The following KIFC1 variants were observed in gnomAD, a reference collection of about 807,000 sequenced individuals.
KIFC1 encodes the protein kinesin family member C1.
Under a neutral mutation model 66.6 loss-of-function variants are expected in KIFC1, and 37 were observed. The observed-to-expected ratio is 0.56, with a 90% confidence interval of 0.43 to 0.73. The LOEUF is 0.73. Among genes scored for constraint, KIFC1 ranks in the 30% least tolerant of loss-of-function variants. The pLI is 0.00. For synonymous variants in KIFC1, 325 were observed against 343.5 expected, an observed-to-expected ratio of 0.95 and a Z score of 0.60; for missense variants, 721 against 859.8, an observed-to-expected ratio of 0.84 and a Z score of 2.02.
chr6:33,393,221 A>G (rs976526864), intron 1 of KIFC1, among the ~76,000 whole-genome samples: 1 of 152,038 alleles, frequency 6.6e-6, no homozygotes, highest in Non-Finnish European at 1.5e-5. Flanking sequence ...AGTTGTAAGG[A>G]GGGAAGTGTG....
chr6:33,396,821 A>G (rs1023707076), intron 1 of KIFC1, among the ~76,000 whole-genome samples: 9 of 150,872 alleles, frequency 6.0e-5, no homozygotes, highest in African/African-American at 2.2e-4. Context: ...AGCTGGGACT[A>G]CAGGCGCCTG....
At position 33,406,414 on chromosome 6, in the gene KIFC1, C is replaced by T. The variant is rs560734335; in HGVS notation, c.1755C>T (p.Arg585=). ...CCCTCGGCCCCGGGGAGCGGGAACG[C>T]CTTCGGGAAACACAGGCCATTAACA... ...GLALGPGERE[R]LRETQAINSS... is the part of the protein sequence containing the mutation. The change falls in exon 8 of 11, where the codon CGC becomes CGT. Residue 585 remains arginine, a synonymous_variant. Coordinates refer to ENST00000428849, the MANE Select transcript of KIFC1 (RefSeq NM_002263.4). The surrounding 1 kb of genome is among the most constrained non-coding windows in gnomAD (Gnocchi z 4.5). 2.9e-5 allele frequency: 47 copies of T among 1,607,958 alleles called. No homozygotes were observed. In the South Asian group the frequency reaches 4.2e-4, roughly 14 times the overall value.
rs145707165 is a variant in KIFC1 at position 33,406,837 on chromosome 6, G to A, written c.1939G>A (p.Val647Ile). 1,347 of 1,614,056 alleles carry A rather than the reference G, an allele frequency of 8.3e-4. 2 individuals carry two copies. Among genetic ancestry groups the A allele is most frequent in the African/African-American group, 1.6e-3 (117 of 74,984 alleles). Residue 647 changes from valine (V) to isoleucine (I), a missense_variant, in exon 10 of 11, where the codon GTC (valine) becomes ATC (isoleucine). Val to Ile is a conservative substitution (Grantham distance 29, BLOSUM62 3). Transcript: ENST00000428849. The surrounding 1 kb of genome is among the most constrained non-coding windows in gnomAD (Gnocchi z 4.5). ...GAACATTTCTCCACTGGAAGAGAAC[G>A]TCTCCGAGTCCCTCAACTCTCTACG... ...FVNISPLEEN[V>I]SESLNSLRFA...
chr6:33,396,514 C>T (rs1453148764), intron 1 of KIFC1, among the ~76,000 whole-genome samples: 2 of 140,814 alleles, frequency 1.4e-5, no homozygotes, highest in African/African-American at 5.5e-5. Context: ...GGCATGATCA[C>T]GGCTCACTGC....
At position 33,405,607 on chromosome 6, in the gene KIFC1, T is replaced by C; in HGVS notation, c.1512T>C (p.Tyr504=). ...SEELTVTNAR[Y]VPVSCEKEVD... ...AGCTCACTGTCACCAATGCTCGATA[T>C]GTCCCTGTCTCCTGTGAGAAAGAAG... is the stretch of plus-strand genomic sequence containing the variant. The change falls in exon 7 of 11, where the codon TAT becomes TAC. Residue 504 remains tyrosine (Y), a synonymous_variant. Transcript: ENST00000428849. This position sits in a 1 kb window ranked among gnomAD's most constrained non-coding sequence, Gnocchi z 5.4. The C allele has an allele frequency of 1.3e-6, 2 of 1,526,076 alleles. No individual in the cohort carries two copies. The highest frequency in any genetic ancestry group is 1.8e-6 in the Non-Finnish European group (2 of 1,139,920). 94.5% of individuals were successfully genotyped at this position (1,526,076 alleles called of 1,614,324 possible).
Position 33,404,727 on chromosome 6 carries a change from T to C in KIFC1, c.757-125T>C. On this transcript the variant is annotated intron_variant, in intron 6 of 10. Transcript: ENST00000428849. This position sits in a 1 kb window ranked among gnomAD's most constrained non-coding sequence, Gnocchi z 4.0. ...TTCCTTATTTTCTCATCTTTCTTTG[T>C]TTACCAGACTTTGAGGTCCTTTTGA... 1.2e-6 allele frequency: 1 copy of C among 821,318 alleles called. No individual in the cohort carries two copies. Among genetic ancestry groups the C allele is most frequent in the Non-Finnish European group, 1.9e-6 (1 of 516,102 alleles). 50.9% of individuals were successfully genotyped at this position (821,318 alleles called of 1,614,324 possible).
chr6:33,391,693 AAAGAC>A, upstream of KIFC1: 1 of 585,174 alleles, frequency 1.7e-6, no homozygotes, highest in Non-Finnish European at 3.1e-6. Flanking sequence ...GCGAAACAGA[AAAGAC>A]AAGGCGCCTG....
Position 33,405,139 on chromosome 6 carries a change from T to C in KIFC1, c.1044T>C (p.Leu348=), listed in dbSNP as rs367765610. The change falls in exon 7 of 11, where the codon CTT becomes CTC. Residue 348 remains leucine, a synonymous_variant. Transcript: ENST00000428849. This position sits in a 1 kb window ranked among gnomAD's most constrained non-coding sequence, Gnocchi z 5.4. ...GGCCCTCTGATCCTCCAACCCGCCT[T>C]AGCCTCTCCCGGTCTGACGAGCGGC... ...PGGPSDPPTR[L]SLSRSDERRG... 55 of 1,614,016 alleles carry C rather than the reference T, an allele frequency of 3.4e-5. No homozygotes were observed. Among genetic ancestry groups the C allele is most frequent in the Non-Finnish European group, 4.2e-5 (49 of 1,180,038 alleles).
chr6:33,402,887 T>G (rs1418554871), intron 3 of KIFC1, among the ~76,000 whole-genome samples: 2 of 152,168 alleles, frequency 1.3e-5, no homozygotes, highest in African/African-American at 4.8e-5. Context: ...CTCGGGAGGC[T>G]GAGGCGGGAG....
intron 1 of KIFC1, 56 bp downstream of exon 1, chr6:33,392,053 C>T: frequency 1.3e-6 from 2 of 1,587,964 alleles, no homozygotes; most frequent in Admixed American, 1.7e-5. Context: ...AGGCTGACCG[C>T]TCCGATGCTG....
chr6:33,404,131 T>A lies in KIFC1; in HGVS notation c.756+2T>A. On this transcript the variant is annotated splice_donor_variant, in intron 6 of 10. Coordinates refer to ENST00000428849, the MANE Select transcript of KIFC1 (RefSeq NM_002263.4). LOFTEE classifies it high-confidence loss of function. The surrounding 1 kb of genome is among the most constrained non-coding windows in gnomAD (Gnocchi z 4.0). ...ATGTCCCAACTAGAGGAGAAGGAGG[T>A]AAGGGCCAGATTTTCACCAGATGTC... is the stretch of plus-strand genomic sequence containing the variant. The A allele has an allele frequency of 1.3e-6, 2 of 1,562,370 alleles. No individual in the cohort carries two copies. The highest frequency in any genetic ancestry group is 1.4e-5 in the African/African-American group (1 of 73,754).
Position 33,406,328 on chromosome 6 carries a change from T to C in KIFC1, c.1669T>C (p.Cys557Arg), listed in dbSNP as rs778110898. Residue 557 changes from cysteine to arginine, a missense_variant, in exon 8 of 11, where the codon TGT becomes CGT. Cys to Arg is a radical substitution (Grantham distance 180, BLOSUM62 -3). Transcript: ENST00000428849. The surrounding 1 kb of genome is among the most constrained non-coding windows in gnomAD (Gnocchi z 4.5). ...SGEHSSRGLQ[C>R]GAPLSLVDLA... ...GGAGCACTCCAGCCGAGGCCTGCAG[T>C]GTGGGGCCCCCCTCAGTCTTGTGGA... The C allele has an allele frequency of 1.1e-5, 17 of 1,613,954 alleles. No homozygotes were observed. Among genetic ancestry groups the C allele is most frequent in the Non-Finnish European group, 1.4e-5 (16 of 1,180,012 alleles).
intron 1 of KIFC1, 71 bp downstream of exon 1, chr6:33,392,068 GC>G: frequency 3.2e-6 from 5 of 1,541,178 alleles, no homozygotes; most frequent in Admixed American, 1.7e-5. Flanking sequence ...ATGCTGTCGC[GC>G]CCCCGGCTCC....
Position 33,405,261 on chromosome 6 carries a change from A to T in KIFC1, c.1166A>T (p.Glu389Val). ...GGAAGTGGACAGGATGAAGTGTTTG[A>T]AGAGATTGCCATGCTTGTCCAGTCA... ...PPGSGQDEVF[E>V]EIAMLVQSAL... Residue 389 changes from glutamate to valine, a missense_variant, in exon 7 of 11, where the codon GAA becomes GTA. Coordinates refer to ENST00000428849, the MANE Select transcript of KIFC1 (RefSeq NM_002263.4). The surrounding 1 kb of genome is among the most constrained non-coding windows in gnomAD (Gnocchi z 5.4). The T allele has an allele frequency of 6.2e-7, 1 of 1,614,162 alleles. No individual in the cohort carries two copies. Among genetic ancestry groups the T allele is most frequent in the East Asian group, 2.2e-5 (1 of 44,870 alleles).
chr6:33,407,991 AC>A (rs1406955064), intron 10 of KIFC1, among the ~76,000 whole-genome samples: 2 of 152,210 alleles, frequency 1.3e-5, no homozygotes, highest in Non-Finnish European at 2.9e-5. Flanking sequence ...CAGCACCTGC[AC>A]CCTGATCTGG....
rs1317728637 is a variant in KIFC1 at position 33,404,313 on chromosome 6, C to T, written c.756+184C>T. On this transcript the variant is annotated intron_variant, in intron 6 of 10. Coordinates refer to ENST00000428849, the MANE Select transcript of KIFC1 (RefSeq NM_002263.4). The surrounding 1 kb of genome is among the most constrained non-coding windows in gnomAD (Gnocchi z 4.0). Reference sequence around the variant, plus strand: ...TGCACCCCAGCCCACTCCTGACTGTCTTGCTTTCTGCCACGCTTCTTCCTA... The same window carrying T: ...TGCACCCCAGCCCACTCCTGACTGTTTTGCTTTCTGCCACGCTTCTTCCTA... Among the ~76,000 whole-genome samples, 6 of 152,188 alleles carry T rather than the reference C, an allele frequency of 3.9e-5. No individual in the cohort carries two copies. The highest frequency in any genetic ancestry group is 1.3e-4 in the Admixed American group (2 of 15,284).
upstream of KIFC1, chr6:33,391,820 G>A: frequency 1.2e-6 from 1 of 807,102 alleles, no homozygotes; most frequent in South Asian, 1.5e-5. Context: ...GGTGGTGGCC[G>A]TTGGAATTCA....
rs1200233428 is a variant in KIFC1 at position 33,400,497 on chromosome 6, A to C, written c.250+2110A>C. ...CCAGGGCAGAAGTGGCACCGACTTCACCTCTGGTGCACCTCAGGTATACGA... is the reference window on the plus strand; with the variant it reads ...CCAGGGCAGAAGTGGCACCGACTTCCCCTCTGGTGCACCTCAGGTATACGA... On this transcript the variant is annotated intron_variant, in intron 3 of 10. Transcript: ENST00000428849. The surrounding 1 kb of genome is among the most constrained non-coding windows in gnomAD (Gnocchi z 4.3). The C allele has an allele frequency of 1.9e-6, 3 of 1,598,356 alleles. No individual in the cohort carries two copies. The Admixed American group carries it at 5.0e-5, about 27-fold the overall frequency.
chr6:33,396,819 C>CTG (rs1336803571), intron 1 of KIFC1, among the ~76,000 whole-genome samples: 1 of 151,084 alleles, frequency 6.6e-6, no homozygotes, highest in Non-Finnish European at 1.5e-5. Flanking sequence ...GGAGCTGGGA[C>CTG]TACAGGCGCC....
Sources: gnomAD v4.1 joint callset for allele counts (sites outside exome capture counted in the v4.1 genomes callset) on GRCh38, gnomAD v4.1.1 for gene constraint, Gnocchi (gnomAD v3.1) non-coding constraint, MANE v1.5 for transcripts, NCBI Gene and HGNC (gene_info 2026-07-23, HGNC 2026-07-21) for gene names.